Variants in CD163L1 observed in about 807,000 individuals in gnomAD.
The protein encoded by CD163L1 is scavenger receptor cysteine-rich type 1 protein M160.
CD163L1 carries 124 observed loss-of-function variants against 165.4 expected under a neutral mutation model. The ratio of observed to expected loss-of-function variants is 0.75; its 90% CI spans 0.65 to 0.87. The LOEUF (loss-of-function observed/expected upper bound fraction) is 0.87. Ranked by LOEUF, CD163L1 falls within the 40% of genes least tolerant of loss-of-function variation. The pLI, the probability that CD163L1 is intolerant of heterozygous loss-of-function variation, is 0.00. For missense variants in CD163L1, 1,525 were observed against 1,799.9 expected, an observed-to-expected ratio of 0.85 and a Z score of 2.76; for synonymous variants, 585 against 662.2, an observed-to-expected ratio of 0.88 and a Z score of 1.79.
intron 4 of CD163L1, among the ~76,000 whole-genome samples, chr12:7,424,178 C>T (rs1011547943): frequency 1.3e-5 from 2 of 151,976 alleles, no homozygotes; most frequent in Non-Finnish European, 2.9e-5. Context: ...TCAACATACA[C>T]AAATCAATAA....
At chr12:7,360,144 C>CA (rs1946862448) in intron 18 of CD163L1, among the ~76,000 whole-genome samples, 1 of 149,616 alleles carries the variant, frequency 6.7e-6, no homozygotes, top group Non-Finnish European at 1.5e-5. Context: ...ATATGTACAT[C>CA]TTTTTTTTTT....
the CD163L1 span, among the ~76,000 whole-genome samples, chr12:7,322,122 A>C: frequency 6.6e-6 from 1 of 152,220 alleles, no homozygotes; most frequent in Non-Finnish European, 1.5e-5. Context: ...CATCAAAAGC[A>C]CTTAGTATCA....
At position 7,369,396 on chromosome 12, in the gene CD163L1, C is replaced by T; in HGVS notation, c.4000G>A (p.Asp1334Asn). 6.2e-7 allele frequency: 1 copy of T among 1,614,110 alleles called. No homozygotes were observed. The highest frequency in any genetic ancestry group is 8.5e-7 in the Non-Finnish European group (1 of 1,180,002). The change falls in exon 15 of 20, where the codon GAC (aspartate) becomes AAC (asparagine). Residue 1334 changes from aspartate to asparagine, a missense_variant. By Grantham distance (23) the Asp-to-Asn change is conservative. Coordinates refer to ENST00000313599, the MANE Select transcript of CD163L1 (RefSeq NM_174941.6). The surrounding 1 kb of genome is among the most constrained non-coding windows in gnomAD (Gnocchi z 4.9). ...DCHAKPWGQS[D>N]CGHKEDAGVR... ...CCAGCATCTTCCTTGTGTCCACAGT[C>T]ACTCTGTCCCCAGGGTTTGGCGTGA...
rs752292213 is a variant in CD163L1, at chr12:7,368,107, T to C, written c.4163A>G (p.Gln1388Arg). 3 of 1,607,774 alleles carry C rather than the reference T, an allele frequency of 1.9e-6. No individual in the cohort carries two copies. In the South Asian group the frequency reaches 3.3e-5, roughly 18 times the overall value. Residue 1388 changes from glutamine (Q) to arginine (R), a missense_variant, in exon 17 of 20, where the codon CAA becomes CGA. Gln to Arg is a conservative substitution (Grantham distance 43, BLOSUM62 1). Transcript: ENST00000313599. The surrounding 1 kb of genome is among the most constrained non-coding windows in gnomAD (Gnocchi z 4.3). The part of the protein sequence containing the change: ...LFLTWCRVQK[Q>R]KHLPLRVSTR... Reference sequence around the variant, plus strand: ...CTCACCTCTGAGGGGCAGATGTTTTTGTTTCTGAACTCGGCACCACGTGAG... The same window carrying C: ...CTCACCTCTGAGGGGCAGATGTTTTCGTTTCTGAACTCGGCACCACGTGAG...
rs751813559 is a variant in CD163L1 at position 7,357,397 on chromosome 12, T to C, written c.*7A>G. The C allele has an allele frequency of 5.6e-6, 9 of 1,611,782 alleles. No individual in the cohort carries two copies. In the East Asian group the frequency reaches 2.0e-4, roughly 36 times the overall value. On this transcript the variant is annotated 3_prime_UTR_variant, in exon 19 of 20. Coordinates refer to ENST00000313599, the MANE Select transcript of CD163L1 (RefSeq NM_174941.6). The stretch of plus-strand genomic sequence containing the variant: ...CAACTTACCTGGTGAGCCCTGGAAG[T>C]CTAAAGTCATTTTGTGGCTTCAGAG...
rs1285018500 is a variant in CD163L1, at chr12:7,429,080, GA to G, written c.766+3335del. ...ATGTGTAGCAAAGTTTAATAAACAA[GA>G]AAAAACTATGTAAAATAAAGGGTAT... is the stretch of plus-strand genomic sequence containing the variant. On this transcript the variant is annotated intron_variant, in intron 4 of 19. Coordinates refer to ENST00000313599, the MANE Select transcript of CD163L1 (RefSeq NM_174941.6). 7.9e-5 allele frequency among the ~76,000 whole-genome samples: 12 copies of G among 151,894 alleles called. No homozygotes were observed. The East Asian group carries it at 2.3e-3, about 29-fold the overall frequency.
intron 18 of CD163L1, among the ~76,000 whole-genome samples, chr12:7,366,338 G>A (rs894529252): frequency 3.9e-5 from 6 of 152,044 alleles, no homozygotes; most frequent in African/African-American, 1.2e-4. Context: ...TCAATAAGGT[G>A]ACTATAATTT....
chr12:7,414,096 A>G (rs2136556810), intron 4 of CD163L1, among the ~76,000 whole-genome samples: 1 of 152,334 alleles, frequency 6.6e-6, no homozygotes, highest in South Asian at 2.1e-4. Context: ...AAGGAACAAA[A>G]TAAAGTTCCA....
At position 7,406,586 on chromosome 12, in the gene CD163L1, C is replaced by G. The variant is rs192198441; in HGVS notation, c.1033G>C (p.Gly345Arg). 1 of 1,614,004 alleles carries G rather than the reference C, an allele frequency of 6.2e-7. No individual in the cohort carries two copies. The change falls in exon 5 of 20, where the codon GGA becomes CGA. Residue 345 changes from glycine (G) to arginine (R), a missense_variant. Coordinates refer to ENST00000313599, the MANE Select transcript of CD163L1 (RefSeq NM_174941.6). ...ESFLWDCRHSGTVNFDCLHQN... is the reference protein window; with the variant it reads ...ESFLWDCRHSRTVNFDCLHQN... ...TGAAGACAGTCAAAATTGACGGTTCCGGAATGTCTGCAGTCCCAAAGAAAA... is the reference window on the plus strand; with the variant it reads ...TGAAGACAGTCAAAATTGACGGTTCGGGAATGTCTGCAGTCCCAAAGAAAA...
At chr12:7,337,848 C>A in the CD163L1 span, among the ~76,000 whole-genome samples, 2 of 152,154 alleles carry the variant, frequency 1.3e-5, no homozygotes, top group African/African-American at 4.8e-5. Flanking sequence ...AATCATTCTA[C>A]TATAAAGTCA....
At chr12:7,380,274 G>GGTGT (rs56789470) in intron 8 of CD163L1, among the ~76,000 whole-genome samples, 1 of 146,750 alleles carries the variant, frequency 6.8e-6, no homozygotes, top group African/African-American at 2.5e-5. Context: ...AAGAAACTGT[G>GGTGT]GTGTGTGTGT....
At chr12:7,428,446 T>C (rs971010141) in intron 4 of CD163L1, among the ~76,000 whole-genome samples, 2 of 152,196 alleles carry the variant, frequency 1.3e-5, no homozygotes, top group Admixed American at 6.5e-5. Context: ...GAATCAGTCA[T>C]TGTGTCTAGT....
intron 1 of CD163L1, among the ~76,000 whole-genome samples, chr12:7,443,764 T>G (rs1291667326): frequency 6.6e-6 from 1 of 152,212 alleles, no homozygotes; most frequent in Non-Finnish European, 1.5e-5. Context: ...AAGCATTTAC[T>G]GTAGTACCTG....
intron 14 of CD163L1, among the ~76,000 whole-genome samples, chr12:7,370,611 A>G (rs1289274043): frequency 6.6e-6 from 1 of 152,128 alleles, no homozygotes; most frequent in Non-Finnish European, 1.5e-5. Flanking sequence ...CGGTCTGATA[A>G]GTCATCCCCA....
chr12:7,352,781 A>G (rs989526574), downstream of CD163L1, among the ~76,000 whole-genome samples: 1 of 152,158 alleles, frequency 6.6e-6, no homozygotes, highest in African/African-American at 2.4e-5. Context: ...GATGTAGTCC[A>G]GGCAAGTTAA....
At chr12:7,356,516 C>A (rs1946777080) in intron 19 of CD163L1, among the ~76,000 whole-genome samples, 1 of 152,044 alleles carries the variant, frequency 6.6e-6, no homozygotes, top group Non-Finnish European at 1.5e-5. Context: ...GGAGATATGA[C>A]TTATCTTTGC....
intron 2 of CD163L1, chr12:7,440,036 C>A: frequency 7.9e-7 from 1 of 1,271,214 alleles, no homozygotes; most frequent in Non-Finnish European, 1.1e-6. Flanking sequence ...CGACACACAC[C>A]CCAGCAGCTC....
intron 8 of CD163L1, among the ~76,000 whole-genome samples, chr12:7,392,871 G>A (rs1947686923): frequency 6.6e-6 from 1 of 152,100 alleles, no homozygotes; most frequent in South Asian, 2.1e-4. Context: ...ACATAAACCA[G>A]GAAGAAGTTG....
chr12:7,337,193 T>C, the CD163L1 span, among the ~76,000 whole-genome samples: 2 of 152,164 alleles, frequency 1.3e-5, no homozygotes, highest in Non-Finnish European at 2.9e-5. Flanking sequence ...GACTTAAATG[T>C]AAGACCTAAA....
Sources: gnomAD v4.1 joint callset for allele counts (sites outside exome capture counted in the v4.1 genomes callset) on GRCh38, gnomAD v4.1.1 for gene constraint, Gnocchi (gnomAD v3.1) non-coding constraint, MANE v1.5 for transcripts, NCBI Gene and HGNC (gene_info 2026-07-23, HGNC 2026-07-21) for gene names.